Variants in UNC13C observed in about 807,000 individuals in gnomAD.
UNC13C encodes the protein protein unc-13 homolog C.
A neutral mutation model predicts 245.4 loss-of-function variants in UNC13C; 174 were observed. The observed-to-expected ratio is 0.71, with a 90% CI of 0.63 to 0.80. The LOEUF (loss-of-function observed/expected upper bound fraction) is 0.80. Among genes scored for constraint, UNC13C ranks in the 30% least tolerant of loss-of-function variants. The pLI, the probability that UNC13C is intolerant of heterozygous loss-of-function variation, is 0.00. For synonymous variants in UNC13C, 992 were observed against 895.1 expected (o/e 1.11, Z -1.93); for missense variants, 2,829 against 2,602.9 (o/e 1.09, Z -1.89).
Position 54,265,453 on chromosome 15 carries a change from A to G in UNC13C, c.3775A>G (p.Ile1259Val), listed in dbSNP as rs575557571. The part of the protein sequence containing the change: ...VGKNKRRTKT[I>V]FGNLNPVWDE... ...AAAGAACAAAAGAAGAACAAAAACC[A>G]TTTTTGGAAATTTGAATCCAGTATG... The change falls in exon 10 of 33, where the codon ATT (isoleucine) becomes GTT (valine). Residue 1259 changes from isoleucine (I) to valine (V), a missense_variant. Physicochemically the swap from Ile to Val is conservative, Grantham distance 29. Transcript: ENST00000260323. 5.1e-6 allele frequency: 8 copies of G among 1,564,628 alleles called. No homozygotes were observed. In the African/African-American group the frequency reaches 6.7e-5, roughly 13 times the overall value.
At chr15:54,184,752 G>A in intron 4 of UNC13C, among the ~76,000 whole-genome samples, 1 of 152,154 alleles carries the variant, frequency 6.6e-6, no homozygotes, top group Non-Finnish European at 1.5e-5. Context: ...CTTTATAGCA[G>A]CATGATTTAT....
intron 19 of UNC13C, among the ~76,000 whole-genome samples, chr15:54,425,635 T>C (rs1413343824): frequency 6.6e-6 from 1 of 151,866 alleles, no homozygotes; most frequent in Non-Finnish European, 1.5e-5. Context: ...GCCTTCACAC[T>C]GCGTTCTATG....
intron 2 of UNC13C, among the ~76,000 whole-genome samples, chr15:54,068,752 T>A (rs1389211910): frequency 1.3e-5 from 2 of 152,214 alleles, no homozygotes; most frequent in African/African-American, 4.8e-5. Context: ...ACACATAGAT[T>A]AACTGTAGTA....
intron 19 of UNC13C, among the ~76,000 whole-genome samples, chr15:54,464,434 T>A (rs952035173): frequency 1.2e-4 from 18 of 152,262 alleles, no homozygotes; most frequent in African/African-American, 3.8e-4. Context: ...GCATTACATT[T>A]TTTTATTCTT....
At chr15:54,048,903 A>G (rs1300464935) in intron 2 of UNC13C, 1 of 260,908 alleles carries the variant, frequency 3.8e-6, no homozygotes, top group Non-Finnish European at 7.7e-6. Flanking sequence ...CACATAAACC[A>G]TATTGGAATA....
chr15:54,347,678 T>G (rs11634047), intron 17 of UNC13C, among the ~76,000 whole-genome samples: 9,819 of 152,244 alleles, frequency 0.064, 397 homozygotes, highest in Admixed American at 0.11. Context: ...TACAGATAGA[T>G]GAATGCAGAG....
chr15:54,441,946 A>T (rs930922549), intron 19 of UNC13C, among the ~76,000 whole-genome samples: 8 of 151,642 alleles, frequency 5.3e-5, no homozygotes, highest in Non-Finnish European at 1.2e-4. Context: ...AGCTATTTTA[A>T]ATGGGATTTT....
At chr15:54,350,068 T>A (rs2038946913) in intron 17 of UNC13C, among the ~76,000 whole-genome samples, 3 of 152,080 alleles carry the variant, frequency 2.0e-5, no homozygotes, top group Admixed American at 2.0e-4. Flanking sequence ...CTGGGCTCAC[T>A]GCAAGCTCCG....
At chr15:53,920,493 C>T in the UNC13C span, among the ~76,000 whole-genome samples, 1 of 152,078 alleles carries the variant, frequency 6.6e-6, no homozygotes, top group Non-Finnish European at 1.5e-5. Context: ...GCAGAGACTG[C>T]AGTGAGCTGA....
intron 17 of UNC13C, among the ~76,000 whole-genome samples, chr15:54,355,356 C>G (rs1023861536): frequency 6.6e-6 from 1 of 151,980 alleles, no homozygotes; most frequent in African/African-American, 2.4e-5. Flanking sequence ...GATTTTTAAT[C>G]TCACTTTGCT....
chr15:54,632,395 G>T (rs1393748889), downstream of UNC13C: 1 of 152,050 alleles, frequency 6.6e-6, no homozygotes, highest in Non-Finnish European at 1.5e-5. Flanking sequence ...GCTACCATAA[G>T]AATTACTTGC....
chr15:54,560,752 A>T (rs1259277429), intron 29 of UNC13C, among the ~76,000 whole-genome samples: 1 of 151,970 alleles, frequency 6.6e-6, no homozygotes, highest in Non-Finnish European at 1.5e-5. Context: ...TCAGGATAGG[A>T]GGTGATTAAG....
chr15:54,518,698 C>G (rs1895086512), intron 24 of UNC13C, among the ~76,000 whole-genome samples: 1 of 152,104 alleles, frequency 6.6e-6, no homozygotes, highest in South Asian at 2.1e-4. Flanking sequence ...ACACTCTGTC[C>G]CCAGCACTTG....
At chr15:54,401,447 C>T (rs1302142179) in intron 18 of UNC13C, among the ~76,000 whole-genome samples, 1 of 152,068 alleles carries the variant, frequency 6.6e-6, no homozygotes, top group Non-Finnish European at 1.5e-5. Context: ...AAAAATTTTG[C>T]ACAATAAGAG....
chr15:54,521,196 T>C (rs918448633), intron 24 of UNC13C, among the ~76,000 whole-genome samples: 1 of 151,978 alleles, frequency 6.6e-6, no homozygotes, highest in African/African-American at 2.4e-5. Context: ...TATTGGAGAG[T>C]ATGAAACCTA....
intron 4 of UNC13C, among the ~76,000 whole-genome samples, chr15:54,215,457 G>A (rs184422835): frequency 2.0e-4 from 31 of 152,014 alleles, no homozygotes; most frequent in Non-Finnish European, 3.7e-4. Context: ...AAAAAATAAT[G>A]TAAAGGTGAA....
At chr15:54,488,657 G>T (rs1214160903) in intron 19 of UNC13C, among the ~76,000 whole-genome samples, 2 of 152,144 alleles carry the variant, frequency 1.3e-5, no homozygotes, top group East Asian at 3.8e-4. Context: ...TCAAGTGAAT[G>T]CTTGTAAGCA....
chr15:54,138,963 T>TTTTTTTTTTTTTTTTG (rs2031876837), intron 2 of UNC13C, among the ~76,000 whole-genome samples: 1 of 104,194 alleles, frequency 9.6e-6, no homozygotes, highest in African/African-American at 4.2e-5. Flanking sequence ...ATTTTTTTTT[T>TTTTTTTTTTTTTTTTG]TTTTTTTTTT....
intron 26 of UNC13C, among the ~76,000 whole-genome samples, chr15:54,539,537 G>A (rs1350001821): frequency 6.6e-6 from 1 of 151,916 alleles, no homozygotes; most frequent in African/African-American, 2.4e-5. Context: ...CACAGAAATG[G>A]ATCACTATAA....
Sources: allele counts gnomAD v4.1 joint callset (sites outside exome capture counted in the v4.1 genomes callset), GRCh38; gene constraint gnomAD v4.1.1; transcripts MANE v1.5; gene names NCBI Gene and HGNC (gene_info 2026-07-23, HGNC 2026-07-21).